GPM6A: variants seen among roughly 807,000 people sequenced by gnomAD.
GPM6A encodes the protein neuronal membrane glycoprotein M6-a.
In GPM6A, 7 loss-of-function variants were observed where a neutral mutation model predicts 32.1. The ratio of observed to expected loss-of-function variants is 0.22; its 90% CI spans 0.12 to 0.41. The LOEUF is 0.41. Among genes scored for constraint, GPM6A ranks in the 10% least tolerant of loss-of-function variants. The probability of loss-of-function intolerance (pLI) is 1.00; values close to 1 mark genes in which losing one functional copy is unlikely to be tolerated. For synonymous variants in GPM6A, 130 were observed against 123.4 expected (o/e 1.05, Z -0.35); for missense variants, 235 against 347.2 (o/e 0.68, Z 2.57).
chr4:175,990,595 G>A (rs953350688), intron 1 of GPM6A, among the ~76,000 whole-genome samples: 1 of 151,662 alleles, frequency 6.6e-6, no homozygotes, highest in Non-Finnish European at 1.5e-5. Flanking sequence ...TTGTTCAATC[G>A]AGTCAACACT....
chr4:175,819,900 A>T (rs115000533), intron 1 of GPM6A, among the ~76,000 whole-genome samples: 21,122 of 152,128 alleles, frequency 0.14, 2,026 homozygotes, highest in African/African-American at 0.28. Flanking sequence ...AAGTTGAAGA[A>T]ATGATTCTCA....
chr4:175,787,281 A>T, intron 1 of GPM6A: 2 of 1,030,138 alleles, frequency 1.9e-6, no homozygotes, highest in Non-Finnish European at 2.9e-6. Flanking sequence ...AGCAGAAATG[A>T]TTTCCTCAAT....
At chr4:175,686,152 C>G (rs1305263023) in intron 2 of GPM6A, among the ~76,000 whole-genome samples, 7 of 152,120 alleles carry the variant, frequency 4.6e-5, no homozygotes, top group Non-Finnish European at 1.0e-4. Flanking sequence ...TCAATTCTTA[C>G]AAAAAGTTGT....
At chr4:175,933,759 T>C (rs1255272909) in intron 1 of GPM6A, among the ~76,000 whole-genome samples, 2 of 152,126 alleles carry the variant, frequency 1.3e-5, no homozygotes, top group African/African-American at 2.4e-5. Context: ...CTAGCCAGGA[T>C]GGTCTCGCTC....
chr4:175,881,235 A>G (rs1291656838), intron 1 of GPM6A, among the ~76,000 whole-genome samples: 1 of 152,246 alleles, frequency 6.6e-6, no homozygotes, highest in Non-Finnish European at 1.5e-5. Context: ...CAACAGACAC[A>G]TGAAAAAATG....
intron 3 of GPM6A, among the ~76,000 whole-genome samples, chr4:175,670,496 T>C (rs1432452528): frequency 6.6e-6 from 1 of 152,216 alleles, no homozygotes; most frequent in East Asian, 1.9e-4. Flanking sequence ...TACTTCTACA[T>C]TAAACTTAAA....
rs192128798 is a variant in GPM6A at position 175,911,766 on chromosome 4, T to C, written c.-23+90543A>G. Among the ~76,000 whole-genome samples, 68 of 152,124 alleles carry C rather than the reference T, an allele frequency of 4.5e-4. No homozygotes were observed. In the East Asian group the frequency reaches 0.013, roughly 28 times the overall value. ...ATATGTACGAAGATGGTGACAAAAG[T>C]GGGAATATGTAAGAGAGACCAAACA... On this transcript the variant is annotated intron_variant, in intron 1 of 7. Transcript: ENST00000280187.
intron 2 of GPM6A, among the ~76,000 whole-genome samples, chr4:175,681,984 G>A (rs1395334609): frequency 6.6e-6 from 1 of 152,108 alleles, no homozygotes; most frequent in Non-Finnish European, 1.5e-5. Context: ...GAAGAAAACA[G>A]GAATATGAGG....
chr4:175,875,935 A>T (rs1050944524), intron 1 of GPM6A, among the ~76,000 whole-genome samples: 3 of 152,206 alleles, frequency 2.0e-5, no homozygotes, highest in African/African-American at 7.2e-5. Context: ...CTTGGTAATT[A>T]AAAAGCAAGC....
chr4:175,873,776 T>G (rs976529282), intron 1 of GPM6A, among the ~76,000 whole-genome samples: 1 of 152,180 alleles, frequency 6.6e-6, no homozygotes, highest in Non-Finnish European at 1.5e-5. Context: ...AGACTCTCAA[T>G]ATGGAAACAA....
At chr4:175,971,742 T>C (rs1740508520) in intron 1 of GPM6A, 1 of 152,226 alleles carries the variant, frequency 6.6e-6, no homozygotes, top group Non-Finnish European at 1.5e-5. Flanking sequence ...TGAAATAAAG[T>C]GTTTCATATT....
intron 2 of GPM6A, among the ~76,000 whole-genome samples, chr4:175,687,346 C>G (rs1478520718): frequency 1.3e-5 from 2 of 152,110 alleles, no homozygotes; most frequent in East Asian, 3.9e-4. Context: ...CAGGCCACAG[C>G]CCTGACAACC....
intron 1 of GPM6A, among the ~76,000 whole-genome samples, chr4:175,705,030 C>T (rs1472054428): frequency 6.6e-6 from 1 of 152,288 alleles, no homozygotes; most frequent in Non-Finnish European, 1.5e-5. Context: ...TTCTCATTTT[C>T]TCCACTCTAC....
chr4:175,964,920 A>G (rs920564809), intron 1 of GPM6A, among the ~76,000 whole-genome samples: 4 of 152,252 alleles, frequency 2.6e-5, no homozygotes, highest in Admixed American at 6.5e-5. Context: ...TAGATTAGCA[A>G]TATACCTGAG....
chr4:175,842,501 G>T (rs73008143), intron 1 of GPM6A, among the ~76,000 whole-genome samples: 1 of 151,952 alleles, frequency 6.6e-6, no homozygotes. Context: ...GGCGGGAGAC[G>T]TGCTTGAGTC....
intron 1 of GPM6A, among the ~76,000 whole-genome samples, chr4:175,720,579 T>C (rs1235113804): frequency 2.0e-5 from 3 of 152,210 alleles, no homozygotes; most frequent in Non-Finnish European, 2.9e-5. Flanking sequence ...ATATGTTTCA[T>C]GTAGCTTTAT....
At chr4:175,901,807 T>C (rs1737977449) in intron 1 of GPM6A, among the ~76,000 whole-genome samples, 1 of 151,806 alleles carries the variant, frequency 6.6e-6, no homozygotes, top group African/African-American at 2.4e-5. Flanking sequence ...TTGTATTTTT[T>C]AGTAGAGATG....
intron 2 of GPM6A, among the ~76,000 whole-genome samples, chr4:175,677,796 G>C (rs1253408721): frequency 6.6e-6 from 1 of 152,014 alleles, no homozygotes; most frequent in Non-Finnish European, 1.5e-5. Context: ...AAAAGCAAGA[G>C]CCTATATTAA....
chr4:175,897,534 A>G (rs1415936774), intron 1 of GPM6A, among the ~76,000 whole-genome samples: 1 of 152,186 alleles, frequency 6.6e-6, no homozygotes, highest in Admixed American at 6.5e-5. Context: ...TCAATACAAC[A>G]TAGGACAGGA....
Sources: gnomAD v4.1 joint callset for allele counts (sites outside exome capture counted in the v4.1 genomes callset) on GRCh38, gnomAD v4.1.1 for gene constraint, MANE v1.5 for transcripts, NCBI Gene and HGNC (gene_info 2026-07-23, HGNC 2026-07-21) for gene names.